Variants in MDGA2 observed in about 807,000 individuals in gnomAD.
The protein encoded by MDGA2 is MAM domain containing glycosylphosphatidylinositol anchor 2.
In MDGA2, 40 loss-of-function variants were observed where a neutral mutation model predicts 117.8. That is an observed-to-expected ratio of 0.34 (90% confidence interval 0.26 to 0.44). The LOEUF (loss-of-function observed/expected upper bound fraction) is 0.44, where lower values mean the gene tolerates loss of function less well. Among genes scored for constraint, MDGA2 ranks in the 20% least tolerant of loss-of-function variants. MDGA2 has a pLI of 1.00. For missense variants in MDGA2, 1,123 were observed against 1,250.6 expected, an observed-to-expected ratio of 0.90 and a Z score of 1.54; for synonymous variants, 452 against 439.0, an observed-to-expected ratio of 1.03 and a Z score of -0.37.
intron 5 of MDGA2, among the ~76,000 whole-genome samples, chr14:47,114,158 C>A (rs902526741): frequency 6.6e-6 from 1 of 151,864 alleles, no homozygotes; most frequent in African/African-American, 2.4e-5. Context: ...CCATTCACAA[C>A]TGCTACAAAG....
chr14:46,880,823 A>G (rs992647742), intron 11 of MDGA2, among the ~76,000 whole-genome samples: 14 of 150,472 alleles, frequency 9.3e-5, no homozygotes, highest in East Asian at 3.9e-4. Context: ...AAAAAAAAAA[A>G]AAAGAAAGAA....
intron 1 of MDGA2, among the ~76,000 whole-genome samples, chr14:47,308,874 T>C (rs2139835783): frequency 6.6e-6 from 1 of 152,200 alleles, no homozygotes; most frequent in Non-Finnish European, 1.5e-5. Context: ...AGAAGACCAC[T>C]TTGGTAAATC....
intron 1 of MDGA2, among the ~76,000 whole-genome samples, chr14:47,552,114 C>T (rs1435004406): frequency 1.3e-5 from 2 of 152,166 alleles, no homozygotes; most frequent in African/African-American, 4.8e-5. Flanking sequence ...TTTCATATTA[C>T]CCTGCTTTTA....
intron 1 of MDGA2, among the ~76,000 whole-genome samples, chr14:47,665,442 C>G (rs920839218): frequency 9.8e-5 from 15 of 152,330 alleles, no homozygotes; most frequent in African/African-American, 3.6e-4. Context: ...GCTTGAGGAG[C>G]CCTTCAGTCC....
In MDGA2 at chr14:46,950,176, C is replaced by T. The variant is rs557653319; in HGVS notation, c.2089+7198G>A. On this transcript the variant is annotated intron_variant, in intron 9 of 16. Transcript: ENST00000399232. ...TATATATTTTAGTAATAAGTGATAG[C>T]ATTAACTTCATTAAGTGATACTTAC... Among the ~76,000 whole-genome samples, 179 of 151,888 alleles carry T rather than the reference C, an allele frequency of 1.2e-3. 1 individual carries two copies. The highest frequency in any genetic ancestry group is 4.1e-3 in the African/African-American group (170 of 41,458).
At chr14:47,601,965 C>T (rs1265019615) in intron 1 of MDGA2, among the ~76,000 whole-genome samples, 3 of 152,114 alleles carry the variant, frequency 2.0e-5, no homozygotes, top group Non-Finnish European at 2.9e-5. Context: ...TTCCTGGAGT[C>T]GCTATGCACT....
chr14:47,382,784 A>G (rs1891666119), intron 1 of MDGA2, among the ~76,000 whole-genome samples: 1 of 152,216 alleles, frequency 6.6e-6, no homozygotes, highest in South Asian at 2.1e-4. Flanking sequence ...ACCATTGTAG[A>G]AGACAGTGTG....
intron 11 of MDGA2, among the ~76,000 whole-genome samples, chr14:46,877,817 AC>A (rs1882292528): frequency 6.6e-6 from 1 of 151,896 alleles, no homozygotes; most frequent in African/African-American, 2.4e-5. Context: ...CTAGTGCTAA[AC>A]AAAAATACTC....
At chr14:47,555,304 G>A (rs558488317) in intron 1 of MDGA2, among the ~76,000 whole-genome samples, 1 of 152,236 alleles carries the variant, frequency 6.6e-6, no homozygotes, top group East Asian at 1.9e-4. Flanking sequence ...AGTCACTGGA[G>A]TCTCATTCTT....
intron 7 of MDGA2, among the ~76,000 whole-genome samples, chr14:47,060,577 C>A (rs1275952233): frequency 1.3e-5 from 2 of 152,070 alleles, no homozygotes; most frequent in South Asian, 2.1e-4. Context: ...TCTGAATGAA[C>A]CCTCCTCCAC....
In MDGA2 at chr14:47,245,990, A is replaced by G. The variant is rs1452495570; in HGVS notation, c.421-27795T>C. On this transcript the variant is annotated intron_variant, in intron 2 of 16. Coordinates refer to ENST00000399232, the MANE Select transcript of MDGA2 (RefSeq NM_001113498.3). ...GGTAAGAAAAGCAACTTTCTTGCTC[A>G]AAGTCACATAGAGCTAATGATTAGT... is the stretch of plus-strand genomic sequence containing the variant. Among the ~76,000 whole-genome samples, 2 of 151,838 alleles carry G rather than the reference A, an allele frequency of 1.3e-5. 1 individual carries two copies. The highest frequency in any genetic ancestry group is 4.8e-5 in the African/African-American group (2 of 41,418).
chr14:47,380,278 A>C (rs1042247065), intron 1 of MDGA2, among the ~76,000 whole-genome samples: 1 of 152,184 alleles, frequency 6.6e-6, no homozygotes, highest in Admixed American at 6.5e-5. Context: ...GGAAAGATCT[A>C]AAATTGACAC....
chr14:47,108,006 C>G (rs1475578858), intron 5 of MDGA2, among the ~76,000 whole-genome samples: 3 of 147,336 alleles, frequency 2.0e-5, no homozygotes, highest in African/African-American at 7.6e-5. Flanking sequence ...TTAGTCAAAT[C>G]AGCCAAGCAG....
chr14:47,563,578 G>GGTTTTTTT (rs1895857035), intron 1 of MDGA2, among the ~76,000 whole-genome samples: 12 of 56,974 alleles, frequency 2.1e-4, no homozygotes, highest in African/African-American at 1.0e-3. Flanking sequence ...GCTTTTTTCT[G>GGTTTTTTT]TTTTTTTTTT....
chr14:46,911,481 G>A (rs1177453379), intron 10 of MDGA2, among the ~76,000 whole-genome samples: 1 of 152,146 alleles, frequency 6.6e-6, no homozygotes, highest in East Asian at 1.9e-4. Context: ...AAGCAGTCAG[G>A]TTTTTGGTAT....
At chr14:46,849,857 T>C (rs1594992972) in intron 15 of MDGA2, among the ~76,000 whole-genome samples, 3 of 151,954 alleles carry the variant, frequency 2.0e-5, no homozygotes, top group Admixed American at 2.0e-4. Flanking sequence ...TCGTTTCCTC[T>C]TCAGTACTTC....
intron 3 of MDGA2, among the ~76,000 whole-genome samples, chr14:47,177,543 T>C (rs566519680): frequency 2.0e-5 from 3 of 152,148 alleles, no homozygotes; most frequent in Non-Finnish European, 4.4e-5. Context: ...CAGTAAACTA[T>C]TGCAAGGACA....
At chr14:47,449,734 C>T (rs887130303) in intron 1 of MDGA2, among the ~76,000 whole-genome samples, 2 of 152,062 alleles carry the variant, frequency 1.3e-5, no homozygotes, top group Non-Finnish European at 2.9e-5. Flanking sequence ...AGAGCAAAAG[C>T]AAAGCTACCT....
intron 8 of MDGA2, among the ~76,000 whole-genome samples, chr14:46,969,892 C>A (rs957084836): frequency 6.9e-6 from 1 of 145,792 alleles, no homozygotes; most frequent in Non-Finnish European, 1.5e-5. Flanking sequence ...ATGTTAAAAA[C>A]CTGCACGTTG....
Sources: gnomAD v4.1 joint callset for allele counts (sites outside exome capture counted in the v4.1 genomes callset) on GRCh38, gnomAD v4.1.1 for gene constraint, MANE v1.5 for transcripts, NCBI Gene and HGNC (gene_info 2026-07-23, HGNC 2026-07-21) for gene names.